WFDC9: variants seen among roughly 807,000 people sequenced by gnomAD.
The protein encoded by WFDC9 is WAP four-disulfide core domain 9, also known as protein WFDC9.
Under a neutral mutation model 9.5 loss-of-function variants are expected in WFDC9, and 9 were observed. The observed-to-expected ratio is 0.95, with a 90% confidence interval of 0.57 to 1.65. WFDC9 has a LOEUF of 1.65. Among genes scored for constraint, WFDC9 ranks in the 40% most tolerant of loss-of-function variants. The probability of loss-of-function intolerance (pLI) is 0.00; values close to 1 mark genes in which losing one functional copy is unlikely to be tolerated. For missense variants in WFDC9, 87 were observed against 106.7 expected (o/e 0.82, Z 0.81); for synonymous variants, 33 against 32.3 (o/e 1.02, Z -0.07).
At chr20:45,611,474 A>G (rs1189926951) in intron 2 of WFDC9, among the ~76,000 whole-genome samples, 1 of 152,208 alleles carries the variant, frequency 6.6e-6, no homozygotes, top group Non-Finnish European at 1.5e-5. Flanking sequence ...GTGGAGACCT[A>G]CCTAAATTTT....
chr20:45,612,086 G>T (rs941193429), intron 2 of WFDC9, among the ~76,000 whole-genome samples: 1 of 152,100 alleles, frequency 6.6e-6, no homozygotes, highest in Non-Finnish European at 1.5e-5. Context: ...TCACTGGGAA[G>T]ATTAAATAAT....
chr20:45,621,093 A>T (rs1982087749), intron 1 of WFDC9, among the ~76,000 whole-genome samples: 1 of 152,210 alleles, frequency 6.6e-6, no homozygotes, highest in South Asian at 2.1e-4. Context: ...TATTGGATGA[A>T]TGAAATATCT....
intron 1 of WFDC9, among the ~76,000 whole-genome samples, chr20:45,628,795 G>A (rs1366721031): frequency 1.3e-5 from 2 of 152,184 alleles, no homozygotes; most frequent in African/African-American, 4.8e-5. Flanking sequence ...TCAGAAAGAG[G>A]TTCAAATCTT....
intron 1 of WFDC9, chr20:45,629,990 T>C: frequency 2.0e-6 from 3 of 1,533,854 alleles, no homozygotes; most frequent in African/African-American, 1.4e-5. Flanking sequence ...GACCTAGGAG[T>C]TGGAAACTCT....
intron 1 of WFDC9, among the ~76,000 whole-genome samples, chr20:45,627,632 G>A (rs966462131): frequency 6.6e-6 from 1 of 152,184 alleles, no homozygotes; most frequent in African/African-American, 2.4e-5. Flanking sequence ...AGGAAGAGGT[G>A]CATAAGGTGA....
intron 1 of WFDC9, chr20:45,630,810 G>C: frequency 6.7e-7 from 1 of 1,502,294 alleles, no homozygotes; most frequent in Non-Finnish European, 8.9e-7. Flanking sequence ...GGAGGCTTCA[G>C]CTTGAGAAAA....
chr20:45,623,115 G>C (rs769344043), intron 1 of WFDC9, among the ~76,000 whole-genome samples: 4 of 152,090 alleles, frequency 2.6e-5, no homozygotes, highest in African/African-American at 9.7e-5. Context: ...AAATTCAGAG[G>C]AGCCCAAGCT....
chr20:45,609,621 T>C (rs1471134045), intron 3 of WFDC9, among the ~76,000 whole-genome samples: 1 of 152,156 alleles, frequency 6.6e-6, no homozygotes, highest in Non-Finnish European at 1.5e-5. Context: ...CACATTTTCT[T>C]ATCATATGAA....
intron 1 of WFDC9, chr20:45,630,939 G>A (rs1288460066): frequency 1.2e-6 from 2 of 1,612,332 alleles, no homozygotes; most frequent in Non-Finnish European, 1.7e-6. Flanking sequence ...AAACACTTAT[G>A]TGAATCTCAC....
At chr20:45,619,551 A>G (rs1024267737) in intron 1 of WFDC9, among the ~76,000 whole-genome samples, 3 of 151,394 alleles carry the variant, frequency 2.0e-5, no homozygotes, top group Non-Finnish European at 4.4e-5. Flanking sequence ...AAGAAAAGAC[A>G]TCAGGTAGTA....
chr20:45,608,580 G>A (rs1347970303), intron 4 of WFDC9, 83 bp downstream of exon 4: 1 of 1,494,278 alleles, frequency 6.7e-7, no homozygotes, highest in Non-Finnish European at 9.0e-7. Flanking sequence ...CAGGATTTGG[G>A]TGGCTGCGGT....
At chr20:45,629,935 G>T in intron 1 of WFDC9, 2 of 1,609,822 alleles carry the variant, frequency 1.2e-6, no homozygotes. Flanking sequence ...TGGGTGAGGG[G>T]GAATTGGGTA....
chr20:45,629,699 G>T (rs1982307874), intron 1 of WFDC9: 1 of 1,323,342 alleles, frequency 7.6e-7, no homozygotes, highest in Admixed American at 2.1e-5. Context: ...GCCAGTAGAG[G>T]CAGTGAGGAG....
intron 1 of WFDC9, among the ~76,000 whole-genome samples, chr20:45,617,110 T>C (rs953181114): frequency 6.6e-6 from 1 of 152,184 alleles, no homozygotes; most frequent in Non-Finnish European, 1.5e-5. Context: ...TCAATTACAG[T>C]TGACCCTTGA....
Position 45,617,235 on chromosome 20 carries a change from T to A in WFDC9, c.-152-2514A>T, listed in dbSNP as rs138783010. ...ACTTTGGGAGGCCAAAGCAGGCAGA[T>A]CACAAGGTCAGAATTTCGAGACCAG... On this transcript the variant is annotated intron_variant, in intron 1 of 4. Transcript: ENST00000326000. 3.1e-3 allele frequency among the ~76,000 whole-genome samples: 479 copies of A among 152,276 alleles called. 9 individuals are homozygous for A. Among genetic ancestry groups the A allele is most frequent in the Admixed American group, 0.026 (398 of 15,294 alleles).
chr20:45,626,179 C>T (rs1308539832), intron 1 of WFDC9, among the ~76,000 whole-genome samples: 2 of 152,028 alleles, frequency 1.3e-5, no homozygotes, highest in Non-Finnish European at 2.9e-5. Flanking sequence ...CAGTGCTATG[C>T]TATTTTGGTT....
At chr20:45,617,107 C>T (rs1028836233) in intron 1 of WFDC9, among the ~76,000 whole-genome samples, 3 of 152,156 alleles carry the variant, frequency 2.0e-5, no homozygotes, top group Admixed American at 6.5e-5. Context: ...TCATCAATTA[C>T]AGTTGACCCT....
intron 2 of WFDC9, among the ~76,000 whole-genome samples, chr20:45,610,463 CAAT>C (rs1292611748): frequency 6.6e-6 from 1 of 152,052 alleles, no homozygotes; most frequent in Admixed American, 6.6e-5. Flanking sequence ...TGATTAAAAA[CAAT>C]AAATCCTCAG....
intron 1 of WFDC9, among the ~76,000 whole-genome samples, chr20:45,627,869 G>C (rs1350132145): frequency 6.6e-6 from 1 of 151,994 alleles, no homozygotes; most frequent in Non-Finnish European, 1.5e-5. Context: ...ATTTTGTTCA[G>C]ACTTTTTTTA....
Sources: allele counts gnomAD v4.1 joint callset (sites outside exome capture counted in the v4.1 genomes callset), GRCh38; gene constraint gnomAD v4.1.1; transcripts MANE v1.5; gene names NCBI Gene and HGNC (gene_info 2026-07-23, HGNC 2026-07-21).